THADA: variants seen among roughly 807,000 people sequenced by gnomAD.
THADA encodes tRNA (32-2'-O)-methyltransferase regulator THADA.
In THADA, 213 loss-of-function variants were observed where a neutral mutation model predicts 219.8. The ratio of observed to expected loss-of-function variants is 0.97; its 90% confidence interval spans 0.87 to 1.09. THADA has a LOEUF of 1.09. Ranked by LOEUF, THADA falls within the 50% of genes least tolerant of loss-of-function variation. The pLI, the probability that THADA is intolerant of heterozygous loss-of-function variation, is 0.00. For missense variants in THADA, 2,956 were observed against 2,311.3 expected (o/e 1.28, Z -5.72); for synonymous variants, 1,018 against 828.9 (o/e 1.23, Z -3.92).
intron 29 of THADA, among the ~76,000 whole-genome samples, chr2:43,373,760 G>T (rs1671063797): frequency 6.6e-6 from 1 of 152,166 alleles, no homozygotes; most frequent in South Asian, 2.1e-4. Context: ...TTACAGGCAT[G>T]AGCCAATGAG....
At chr2:43,595,469 G>A (rs1438502135) in intron 1 of THADA, among the ~76,000 whole-genome samples, 2 of 152,180 alleles carry the variant, frequency 1.3e-5, no homozygotes, top group Non-Finnish European at 2.9e-5. Flanking sequence ...AAGTTTGCAG[G>A]AGGATTTGCT....
At chr2:43,566,571 T>C in intron 15 of THADA, 127 bp downstream of exon 15, 5 of 1,022,690 alleles carry the variant, frequency 4.9e-6, no homozygotes, top group South Asian at 2.7e-5. Context: ...CAAGCAAGAA[T>C]TATAAGGTAA....
At chr2:43,344,526 C>A (rs1050870721) in intron 29 of THADA, among the ~76,000 whole-genome samples, 1 of 152,188 alleles carries the variant, frequency 6.6e-6, no homozygotes, top group South Asian at 2.1e-4. Context: ...TTACAAACAA[C>A]CTATACACTG....
intron 24 of THADA, among the ~76,000 whole-genome samples, chr2:43,502,603 GAAAGAAAGAAAAAGAAA>G (rs1378495503): frequency 1.4e-5 from 2 of 140,586 alleles, no homozygotes; most frequent in African/African-American, 5.2e-5. Flanking sequence ...AAAAAAAAAA[GAAAGAAAGAAAAAGAAA>G]AAAGAAAGAA....
At chr2:43,443,507 G>A (rs1033453668) in intron 26 of THADA, among the ~76,000 whole-genome samples, 1 of 152,136 alleles carries the variant, frequency 6.6e-6, no homozygotes, top group Non-Finnish European at 1.5e-5. Context: ...CAGATATAGC[G>A]AGCCCTGGGG....
chr2:43,551,292 C>T (rs536339187), intron 19 of THADA, among the ~76,000 whole-genome samples: 16 of 152,176 alleles, frequency 1.1e-4, no homozygotes, highest in Admixed American at 4.6e-4. Flanking sequence ...AATTTTAGCA[C>T]AGGTTAAGCA....
chr2:43,578,737 G>A, intron 8 of THADA, 130 bp from the exon 9 acceptor site: 1 of 484,518 alleles, frequency 2.1e-6, no homozygotes, highest in Non-Finnish European at 3.7e-6. Context: ...GGGTGAATAG[G>A]TCTTACCTAA....
intron 26 of THADA, among the ~76,000 whole-genome samples, chr2:43,454,649 T>C (rs947882147): frequency 6.6e-6 from 1 of 151,502 alleles, no homozygotes; most frequent in Non-Finnish European, 1.5e-5. Context: ...ACATACATGG[T>C]TATGTTAAAC....
intron 26 of THADA, among the ~76,000 whole-genome samples, chr2:43,435,770 G>T (rs1210181969): frequency 9.0e-6 from 1 of 110,710 alleles, no homozygotes; most frequent in East Asian, 2.8e-4. Context: ...GCAAGAGTGA[G>T]AACTTGCCAC....
Position 43,586,717 on chromosome 2 carries a change from T to C in THADA, c.469A>G (p.Asn157Asp), listed in dbSNP as rs1378824414. 3 of 1,612,266 alleles carry C rather than the reference T, an allele frequency of 1.9e-6. No homozygotes were observed. The highest frequency in any genetic ancestry group is 1.7e-6 in the Non-Finnish European group (2 of 1,179,542). Reference sequence around the variant, plus strand: ...TAGGACTTACCATTTTTAAGCAGATTATTAACACTTGCTCTACCTGTAGAG... The same window carrying C: ...TAGGACTTACCATTTTTAAGCAGATCATTAACACTTGCTCTACCTGTAGAG... ...NFNLGRASVN[N>D]LLKNVLHFLQ... is the part of the protein sequence containing the mutation. The change falls in exon 6 of 38, where the codon AAT (asparagine) becomes GAT (aspartate). Residue 157 changes from asparagine to aspartate, a missense_variant. Transcript: ENST00000405975.
Position 43,428,169 on chromosome 2 carries a change from AGTCTCTC to A in THADA, c.3982_3988del (p.Glu1328SerfsTer23), listed in dbSNP as rs1678746295. 6.2e-7 allele frequency: 1 copy of A among 1,610,092 alleles called. No individual in the cohort carries two copies. The highest frequency in any genetic ancestry group is 8.5e-7 in the Non-Finnish European group (1 of 1,177,746). ...AGTACCATCCATCGGGGAAGCGTAG[AGTCTCTC>A]CAACACCAAAAGTAAGAGAAACATG... On this transcript the variant is annotated frameshift_variant, in exon 28 of 38. Coordinates refer to ENST00000405975, the MANE Select transcript of THADA (RefSeq NM_022065.5). LOFTEE classifies it high-confidence loss of function.
At chr2:43,265,269 C>T (rs1294851214) in intron 36 of THADA, among the ~76,000 whole-genome samples, 4 of 152,316 alleles carry the variant, frequency 2.6e-5, no homozygotes, top group South Asian at 2.1e-4. Context: ...TCCTGGGCCT[C>T]GTGGGTGCCG....
At chr2:43,246,279 G>C (rs1669135662) in intron 36 of THADA, among the ~76,000 whole-genome samples, 1 of 152,192 alleles carries the variant, frequency 6.6e-6, no homozygotes, top group Non-Finnish European at 1.5e-5. Context: ...CGGATCACTT[G>C]AGGTCAGGAG....
rs1263222188 is a variant in THADA, at chr2:43,469,750, G to C, written c.3836+15484C>G. ...TTTTTATTATGTGGAAAATCAGATG[G>C]AATGTAATGCTCAATGATAAGTAGG... is the stretch of plus-strand genomic sequence containing the variant. On this transcript the variant is annotated intron_variant, in intron 26 of 37. Coordinates refer to ENST00000405975, the MANE Select transcript of THADA (RefSeq NM_022065.5). Among the ~76,000 whole-genome samples, 3 of 152,046 alleles carry C rather than the reference G, an allele frequency of 2.0e-5. No individual in the cohort carries two copies. In the East Asian group the frequency reaches 5.8e-4, roughly 29 times the overall value.
At chr2:43,284,339 C>T (rs910795372) in intron 35 of THADA, among the ~76,000 whole-genome samples, 11 of 152,190 alleles carry the variant, frequency 7.2e-5, no homozygotes, top group African/African-American at 2.7e-4. Context: ...CTGCTCTGTG[C>T]AGCCTCAGGA....
At chr2:43,401,390 T>G (rs1326932294) in intron 28 of THADA, among the ~76,000 whole-genome samples, 1 of 152,188 alleles carries the variant, frequency 6.6e-6, no homozygotes, top group East Asian at 1.9e-4. Flanking sequence ...GCCATTCTCC[T>G]GCCTCAGCCT....
chr2:43,529,058 G>C (rs1693538121), intron 21 of THADA, among the ~76,000 whole-genome samples: 1 of 151,904 alleles, frequency 6.6e-6, no homozygotes, highest in Non-Finnish European at 1.5e-5. Flanking sequence ...TTCACTTCAA[G>C]ACAGAACCAT....
At chr2:43,391,163 C>T (rs955251627) in intron 29 of THADA, among the ~76,000 whole-genome samples, 2 of 152,132 alleles carry the variant, frequency 1.3e-5, no homozygotes, top group South Asian at 2.1e-4. Flanking sequence ...CACACACATA[C>T]ATCACATACA....
intron 36 of THADA, among the ~76,000 whole-genome samples, chr2:43,259,383 C>T (rs192109539): frequency 4.3e-4 from 65 of 152,346 alleles, no homozygotes; most frequent in Non-Finnish European, 8.2e-4. Flanking sequence ...TTGGCTACAA[C>T]TGAGATAGTA....
Sources: allele counts gnomAD v4.1 joint callset (sites outside exome capture counted in the v4.1 genomes callset), GRCh38; gene constraint gnomAD v4.1.1; transcripts MANE v1.5; gene names NCBI Gene and HGNC (gene_info 2026-07-23, HGNC 2026-07-21).